The following ARHGAP21 variants were observed in gnomAD, a reference collection of about 807,000 sequenced individuals.
The protein encoded by ARHGAP21 is rho GTPase-activating protein 21.
A neutral mutation model predicts 164.6 loss-of-function variants in ARHGAP21; 38 were observed. The observed-to-expected ratio is 0.23, with a 90% confidence interval of 0.18 to 0.30. The LOEUF (loss-of-function observed/expected upper bound fraction) is 0.30. ARHGAP21 is among the 10% of genes least tolerant of loss of function. The probability of loss-of-function intolerance (pLI) is 1.00; values close to 1 mark genes in which losing one functional copy is unlikely to be tolerated. For synonymous variants in ARHGAP21, 766 were observed against 857.9 expected (o/e 0.89, Z 1.87); for missense variants, 1,822 against 2,370.7 (o/e 0.77, Z 4.81).
In ARHGAP21 at chr10:24,706,728, T is replaced by C. The variant is rs114385197; in HGVS notation, c.63+15109A>G. On this transcript the variant is annotated intron_variant, in intron 2 of 25. Transcript: ENST00000396432. ...CCTCCCTTTCCTGTCTAAGCAGCAATAGCTAACTGGCAGAACGACATCATC... is the reference window on the plus strand; with the variant it reads ...CCTCCCTTTCCTGTCTAAGCAGCAACAGCTAACTGGCAGAACGACATCATC... The C allele has an allele frequency of 1.6e-3, 237 of 152,530 alleles. 1 individual carries two copies. The highest frequency in any genetic ancestry group is 5.4e-3 in the African/African-American group (225 of 41,580). The allele number at this position is 152,530 out of a possible 1,614,324, so 9.4% of individuals were successfully genotyped here.
chr10:24,689,938 A>ATG (rs1382344628), intron 2 of ARHGAP21, among the ~76,000 whole-genome samples: 2 of 124,072 alleles, frequency 1.6e-5, no homozygotes, highest in South Asian at 2.6e-4. Context: ...GTATATGTAT[A>ATG]TATGTATATG....
Position 24,607,532 on chromosome 10 carries a change from T to G in ARHGAP21, c.2651A>C (p.Glu884Ala). Residue 884 changes from glutamate to alanine, a missense_variant, in exon 11 of 26, where the codon GAG becomes GCG. Physicochemically the swap from Glu to Ala is moderately radical, Grantham distance 107. Transcript: ENST00000396432. Reference protein sequence around the residue: ...SKTERSKSYDEGLDDYREDAK... With the variant: ...SKTERSKSYDAGLDDYREDAK... Reference sequence around the variant, plus strand: ...ATCTTCTCTGTAATCATCCAGACCCTCATCATATGATTTTGATCTTTCTGT... The same window carrying G: ...ATCTTCTCTGTAATCATCCAGACCCGCATCATATGATTTTGATCTTTCTGT... 1 of 1,613,784 alleles carries G rather than the reference T, an allele frequency of 6.2e-7. No homozygotes were observed. Among genetic ancestry groups the G allele is most frequent in the Non-Finnish European group, 8.5e-7 (1 of 1,180,004 alleles).
chr10:24,678,920 G>A (rs1435628539), intron 2 of ARHGAP21, among the ~76,000 whole-genome samples: 2 of 152,142 alleles, frequency 1.3e-5, no homozygotes, highest in Non-Finnish European at 2.9e-5. Flanking sequence ...CATTCACCGA[G>A]GTTGCTGCAT....
At chr10:24,609,516 T>C (rs2077165195) in intron 9 of ARHGAP21, among the ~76,000 whole-genome samples, 1 of 152,206 alleles carries the variant, frequency 6.6e-6, no homozygotes. Context: ...GCATTCTTTA[T>C]AATAAATTCC....
chr10:24,599,805 A>G (rs900132114), intron 14 of ARHGAP21, among the ~76,000 whole-genome samples: 1 of 152,196 alleles, frequency 6.6e-6, no homozygotes, highest in African/African-American at 2.4e-5. Flanking sequence ...CATAAGCTGT[A>G]AATTCTCAAA....
rs148536005 is a variant in ARHGAP21, at chr10:24,715,541, A to T, written c.63+6296T>A. ...ATTGTTTCATACATTTGTACTACAC[A>T]TTGTCTTGGTTACTGTTACTTGGTT... On this transcript the variant is annotated intron_variant, in intron 2 of 25. Coordinates refer to ENST00000396432, the MANE Select transcript of ARHGAP21 (RefSeq NM_020824.4). 6.4e-4 allele frequency among the ~76,000 whole-genome samples: 97 copies of T among 152,200 alleles called. 1 individual carries two copies. The East Asian group carries it at 0.018, about 28-fold the overall frequency.
chr10:24,621,124 A>C lies in ARHGAP21; in HGVS notation c.771T>G (p.Val257=). ...EIQVPPSPTD[V]AKSNTAVCVC... is the part of the protein sequence containing the mutation. ...CACACACTGCTGTGTTTGATTTTGC[A>C]ACATCTGTTGGTGATGGAGGCACTT... Residue 257 remains valine (V), a synonymous_variant, in exon 9 of 26, where the codon GTT becomes GTG. Transcript: ENST00000396432. The C allele has an allele frequency of 6.2e-7, 1 of 1,613,770 alleles. No homozygotes were observed. The highest frequency in any genetic ancestry group is 8.5e-7 in the Non-Finnish European group (1 of 1,179,708).
At chr10:24,603,577 A>G (rs1564988415) in intron 12 of ARHGAP21, among the ~76,000 whole-genome samples, 1 of 152,188 alleles carries the variant, frequency 6.6e-6, no homozygotes, top group Non-Finnish European at 1.5e-5. Flanking sequence ...GACTGTGCAG[A>G]AGGGCACCGA....
chr10:24,657,663 G>A (rs1470163597), intron 4 of ARHGAP21, among the ~76,000 whole-genome samples: 1 of 106,424 alleles, frequency 9.4e-6, no homozygotes, highest in Non-Finnish European at 1.9e-5. Flanking sequence ...TGTCTGTGTA[G>A]AAAGAAGTAG....
chr10:24,657,480 C>T, intron 4 of ARHGAP21, among the ~76,000 whole-genome samples: 2 of 96,930 alleles, frequency 2.1e-5, no homozygotes, highest in South Asian at 8.3e-4. Flanking sequence ...GTGAGGGGCG[C>T]CTCTGCCCGG....
chr10:24,708,617 C>T (rs576906283), intron 2 of ARHGAP21, among the ~76,000 whole-genome samples: 1 of 152,346 alleles, frequency 6.6e-6, no homozygotes, highest in South Asian at 2.1e-4. Flanking sequence ...GTCTATCCTT[C>T]CACTCTCTAC....
intron 2 of ARHGAP21, among the ~76,000 whole-genome samples, chr10:24,705,593 T>C (rs1844149176): frequency 6.6e-6 from 1 of 152,312 alleles, no homozygotes; most frequent in African/African-American, 2.4e-5. Context: ...ATGGAAGAAC[T>C]GAGAAATGGT....
At chr10:24,666,305 C>T (rs1234548975) in intron 4 of ARHGAP21, among the ~76,000 whole-genome samples, 3 of 152,224 alleles carry the variant, frequency 2.0e-5, no homozygotes, top group Non-Finnish European at 4.4e-5. Flanking sequence ...GCTGGGATTA[C>T]AGGCGTGAGC....
intron 7 of ARHGAP21, among the ~76,000 whole-genome samples, chr10:24,624,559 C>T (rs987260272): frequency 4.0e-5 from 6 of 151,736 alleles, no homozygotes; most frequent in Admixed American, 1.3e-4. Context: ...AGGTTGGTCT[C>T]GAACTCCTGA....
intron 12 of ARHGAP21, among the ~76,000 whole-genome samples, chr10:24,602,761 G>A (rs941739752): frequency 4.6e-5 from 7 of 152,096 alleles, no homozygotes; most frequent in South Asian, 2.1e-4. Flanking sequence ...AAAGGGACAC[G>A]CGTGAAAAGA....
intron 2 of ARHGAP21, among the ~76,000 whole-genome samples, chr10:24,715,501 C>A (rs1485996852): frequency 6.6e-6 from 1 of 152,132 alleles, no homozygotes; most frequent in African/African-American, 2.4e-5. Flanking sequence ...ATCATGATCT[C>A]ATCTCTTAGT....
chr10:24,687,426 C>T (rs1291789588), intron 2 of ARHGAP21, among the ~76,000 whole-genome samples: 2 of 152,136 alleles, frequency 1.3e-5, no homozygotes, highest in African/African-American at 4.8e-5. Flanking sequence ...GACTTTAAAA[C>T]ATTGTTGGGG....
At chr10:24,717,315 T>G (rs992353586) in intron 2 of ARHGAP21, among the ~76,000 whole-genome samples, 4 of 152,172 alleles carry the variant, frequency 2.6e-5, no homozygotes, top group Non-Finnish European at 5.9e-5. Flanking sequence ...ATTTATTCAT[T>G]CAAAAAATAT....
chr10:24,628,952 CTATATATATATATATATATAT>C (rs1835497213), intron 7 of ARHGAP21: 2 of 13,764 alleles, frequency 1.5e-4, no homozygotes, highest in Non-Finnish European at 2.2e-4. Context: ...CACACACACA[CTATATATATATATATATATAT>C]ATATATATAT....
Sources: allele counts gnomAD v4.1 joint callset (sites outside exome capture counted in the v4.1 genomes callset), GRCh38; gene constraint gnomAD v4.1.1; transcripts MANE v1.5; gene names NCBI Gene and HGNC (gene_info 2026-07-23, HGNC 2026-07-21).